Variants in ZNF534 observed in about 807,000 individuals in gnomAD.
ZNF534 encodes the protein zinc finger protein 534.
ZNF534 carries 19 observed loss-of-function variants against 13.6 expected under a neutral mutation model. The observed-to-expected ratio is 1.40, with a 90% CI of 0.97 to 2.05. ZNF534 has a LOEUF of 2.05. Ranked by LOEUF, ZNF534 falls within the 30% of genes most tolerant of loss-of-function variation. The pLI, the probability that ZNF534 is intolerant of heterozygous loss-of-function variation, is 0.00. For missense variants in ZNF534, 782 were observed against 796.3 expected (o/e 0.98, Z 0.22); for synonymous variants, 244 against 273.8 (o/e 0.89, Z 1.07).
chr19:52,433,976 G>C lies in ZNF534; in HGVS notation c.37G>C (p.Val13Leu). 1 of 1,614,086 alleles carries C rather than the reference G, an allele frequency of 6.2e-7. No homozygotes were observed. The stretch of plus-strand genomic sequence containing the variant: ...TTAGGGGCAATTGTCATTCAGCGAT[G>C]TGGCCATAGAATTCTCTCAGGAGGA... ...LTQGQLSFSD[V>L]AIEFSQEEWK... The change falls in exon 3 of 5, where the codon GTG becomes CTG. Residue 13 changes from valine (V) to leucine (L), a missense_variant. By Grantham distance (32) the Val-to-Leu change is conservative (BLOSUM62 1). Coordinates refer to ENST00000433050, the MANE Select transcript of ZNF534 (RefSeq NM_001143938.3).
At position 52,433,313 on chromosome 19, in the gene ZNF534, G is replaced by T. The variant is rs964082309; in HGVS notation, c.16-642G>T. Reference sequence around the variant, plus strand: ...CTCTGAAGACACTACTTGTATCTCAGGTAGATACTAAATGTCACTTGATGT... The same window carrying T: ...CTCTGAAGACACTACTTGTATCTCATGTAGATACTAAATGTCACTTGATGT... On this transcript the variant is annotated intron_variant, in intron 2 of 4. Coordinates refer to ENST00000433050, the MANE Select transcript of ZNF534 (RefSeq NM_001143938.3). Among the ~76,000 whole-genome samples, 52 of 150,668 alleles carry T rather than the reference G, an allele frequency of 3.5e-4. 1 individual carries two copies. Among genetic ancestry groups the T allele is most frequent in the Non-Finnish European group, 2.5e-4 (17 of 67,822 alleles).
chr19:52,434,839 G>A (rs757263692), intron 3 of ZNF534, among the ~76,000 whole-genome samples: 1 of 151,996 alleles, frequency 6.6e-6, no homozygotes, highest in Non-Finnish European at 1.5e-5. Flanking sequence ...CCTTATGACA[G>A]ACTTAAAAAA....
At position 52,439,185 on chromosome 19, in the gene ZNF534, G is replaced by A. The variant is rs775090188; in HGVS notation, c.1725G>A (p.Glu575=). The A allele has an allele frequency of 6.5e-7, 1 of 1,541,150 alleles. No homozygotes were observed. Among genetic ancestry groups the A allele is most frequent in the African/African-American group, 1.4e-5 (1 of 71,918 alleles). ...GACATAGGAATATTCATACTGGAGA[G>A]AAGCCTCACAGTTGTAATGAATGTG... ...LARHRNIHTG[E]KPHSCNECGK... The change falls in exon 5 of 5, where the codon GAG becomes GAA. Residue 575 remains glutamate (E), a synonymous_variant. Coordinates refer to ENST00000433050, the MANE Select transcript of ZNF534 (RefSeq NM_001143938.3).
rs911683843 is a variant in ZNF534 at position 52,438,546 on chromosome 19, G to A, written c.1086G>A (p.Gly362=). The A allele has an allele frequency of 6.3e-7, 1 of 1,579,948 alleles. No homozygotes were observed. Among genetic ancestry groups the A allele is most frequent in the Non-Finnish European group, 8.6e-7 (1 of 1,162,374 alleles). The change falls in exon 5 of 5, where the codon GGG becomes GGA. Residue 362 remains glycine, a synonymous_variant. Transcript: ENST00000433050. ...ACAAATGTAATGAATGTGGCAAGGG[G>A]TTTAGTCGAATTGCATTCCTTGCAA... ...RPYKCNECGK[G]FSRIAFLARH...
chr19:52,435,321 T>A, intron 4 of ZNF534, 112 bp downstream of exon 4: 1 of 1,251,720 alleles, frequency 8.0e-7, no homozygotes, highest in Non-Finnish European at 1.1e-6. Flanking sequence ...ACAGCAGCCT[T>A]AAACTCCTGG....
chr19:52,446,120 C>T (rs2561017), downstream of ZNF534, among the ~76,000 whole-genome samples: 139,306 of 152,230 alleles, frequency 0.92, 64,086 homozygotes, highest in Non-Finnish European at 0.96. Context: ...AATGTGGGTG[C>T]TTGCTCTCTT....
rs2059140610 is a variant in ZNF534 at position 52,438,077 on chromosome 19, T to C, written c.617T>C (p.Val206Ala). ...RVSSSLTNRQ[V>A]IHIADKTYKC... ...TCTTCAAGCCTTACTAACCGTCAAG[T>C]AATCCACATTGCAGATAAAACTTAC... The change falls in exon 5 of 5, where the codon GTA becomes GCA. Residue 206 changes from valine (V) to alanine (A), a missense_variant. Coordinates refer to ENST00000433050, the MANE Select transcript of ZNF534 (RefSeq NM_001143938.3). 2.5e-6 allele frequency: 4 copies of C among 1,614,200 alleles called. No homozygotes were observed. Among genetic ancestry groups the C allele is most frequent in the Non-Finnish European group, 3.4e-6 (4 of 1,180,042 alleles).
intron 4 of ZNF534, 66 bp from the exon 5 acceptor site, chr19:52,437,666 G>A: frequency 7.0e-7 from 1 of 1,423,738 alleles, no homozygotes; most frequent in Non-Finnish European, 9.4e-7. Context: ...GCAGAATCTT[G>A]TTTTCTGTCA....
chr19:52,437,841 G>C lies in ZNF534; in HGVS notation c.381G>C (p.Arg127Ser). 1 of 1,613,730 alleles carries C rather than the reference G, an allele frequency of 6.2e-7. No individual in the cohort carries two copies. The highest frequency in any genetic ancestry group is 1.7e-5 in the Admixed American group (1 of 60,002). ...LTEWQPFQAV[R>S]NIYGCKHVEK... The stretch of plus-strand genomic sequence containing the variant: ...AATGGCAGCCATTTCAAGCTGTAAG[G>C]AATATTTATGGATGTAAGCATGTTG... The change falls in exon 5 of 5, where the codon AGG (arginine) becomes AGC (serine). Residue 127 changes from arginine (R) to serine (S), a missense_variant. By Grantham distance (110) the Arg-to-Ser change is moderately radical. Coordinates refer to ENST00000433050, the MANE Select transcript of ZNF534 (RefSeq NM_001143938.3).
chr19:52,439,302 C>G lies in ZNF534; in HGVS notation c.1842C>G (p.Val614=). The change falls in exon 5 of 5, where the codon GTC becomes GTG. Residue 614 remains valine (V), a synonymous_variant. Transcript: ENST00000433050. ...ACAAATGTAATGAATGTAGCAAGGT[C>G]TTCAGTCGGAATTCACGCCTTGCAC... ...KLYKCNECSK[V]FSRNSRLAQH... is the part of the protein sequence containing the mutation. 1 of 1,559,968 alleles carries G rather than the reference C, an allele frequency of 6.4e-7. No homozygotes were observed. The highest frequency in any genetic ancestry group is 8.7e-7 in the Non-Finnish European group (1 of 1,151,826).
chr19:52,431,412 C>T lies in ZNF534; in HGVS notation c.-63C>T. The stretch of plus-strand genomic sequence containing the variant: ...CAGCATTATTTTTGATACTAGGATT[C>T]ACTTTCAAAGAGACATATTATGCAA... On this transcript the variant is annotated 5_prime_UTR_variant, in exon 2 of 5. Coordinates refer to ENST00000433050, the MANE Select transcript of ZNF534 (RefSeq NM_001143938.3). 1 of 1,606,494 alleles carries T rather than the reference C, an allele frequency of 6.2e-7. No individual in the cohort carries two copies. The highest frequency in any genetic ancestry group is 1.3e-5 in the African/African-American group (1 of 74,644).
intron 3 of ZNF534, among the ~76,000 whole-genome samples, 174 bp from the exon 4 acceptor site, chr19:52,434,907 G>A (rs1295415388): frequency 1.3e-5 from 2 of 152,062 alleles, no homozygotes; most frequent in East Asian, 1.9e-4. Flanking sequence ...TTGAAAGGGG[G>A]CTTGACGTCT....
rs1192276909 is a variant in ZNF534, at chr19:52,438,279, A to T, written c.819A>T (p.Lys273Asn). ...CTGGACAGAAACCTTACAATAACAA[A>T]GAATGTGGGAAAGTCTTTAGTCACC... ...IHTGQKPYNN[K>N]ECGKVFSHHA... The change falls in exon 5 of 5, where the codon AAA (lysine) becomes AAT (asparagine). Residue 273 changes from lysine (K) to asparagine (N), a missense_variant. Lys to Asn is a moderately conservative substitution (Grantham distance 94, BLOSUM62 0). This residue lies in a region of ZNF534 where 591 missense variants were observed against 574.0 expected (regional missense o/e 1.03). Coordinates refer to ENST00000433050, the MANE Select transcript of ZNF534 (RefSeq NM_001143938.3). 6.2e-7 allele frequency: 1 copy of T among 1,605,226 alleles called. No homozygotes were observed. Among genetic ancestry groups the T allele is most frequent in the Admixed American group, 1.7e-5 (1 of 59,782 alleles).
rs139012178 is a variant in ZNF534 at position 52,439,509 on chromosome 19, C to T, written c.*63C>T. 2.9e-3 allele frequency: 4,105 copies of T among 1,415,702 alleles called. 10 individuals are homozygous for T. The highest frequency in any genetic ancestry group is 3.6e-3 in the Non-Finnish European group (3,878 of 1,065,948). 87.7% of individuals were successfully genotyped at this position (1,415,702 alleles called of 1,614,324 possible). ...CTGTAATCCCAGCACTTTGGGAGTCCGAGGCAGGTGGATCATGAGGTCAGG... is the reference window on the plus strand; with the variant it reads ...CTGTAATCCCAGCACTTTGGGAGTCTGAGGCAGGTGGATCATGAGGTCAGG... On this transcript the variant is annotated 3_prime_UTR_variant, in exon 5 of 5. Coordinates refer to ENST00000433050, the MANE Select transcript of ZNF534 (RefSeq NM_001143938.3).
At chr19:52,432,885 C>T (rs1285268823) in intron 2 of ZNF534, among the ~76,000 whole-genome samples, 1 of 152,064 alleles carries the variant, frequency 6.6e-6, no homozygotes, top group Non-Finnish European at 1.5e-5. Flanking sequence ...CTGCCTCGGC[C>T]TCCCAAAGTG....
intron 2 of ZNF534, among the ~76,000 whole-genome samples, chr19:52,432,780 A>G (rs2059096749): frequency 6.6e-6 from 1 of 151,634 alleles, no homozygotes; most frequent in African/African-American, 2.4e-5. Context: ...TTACAGGTGC[A>G]CACCTCCATG....
chr19:52,444,512 C>CT (rs1265435388), downstream of ZNF534, among the ~76,000 whole-genome samples: 6 of 152,002 alleles, frequency 3.9e-5, no homozygotes, highest in African/African-American at 1.5e-4. Flanking sequence ...AAGAGAGCAT[C>CT]AGCTGTGGTA....
At chr19:52,446,911 A>G (rs529685108), downstream of ZNF534, among the ~76,000 whole-genome samples, 2 of 152,324 alleles carry the variant, frequency 1.3e-5, no homozygotes, top group South Asian at 2.1e-4. Context: ...GAAGCCTAAT[A>G]TAGATCTGCA....
intron 4 of ZNF534, among the ~76,000 whole-genome samples, chr19:52,448,505 A>G (rs2561022): frequency 0.92 from 139,205 of 152,126 alleles, 64,040 homozygotes; most frequent in Non-Finnish European, 0.96. Flanking sequence ...TTGAGGATAC[A>G]GTGAGCTATG....
Sources: gnomAD v4.1 joint callset for allele counts (sites outside exome capture counted in the v4.1 genomes callset) on GRCh38, gnomAD v4.1.1 for gene constraint, gnomAD v4.1.1 regional missense constraint, MANE v1.5 for transcripts, NCBI Gene and HGNC (gene_info 2026-07-23, HGNC 2026-07-21) for gene names.